The following MYO16 variants were observed in gnomAD, a reference collection of about 807,000 sequenced individuals.
MYO16 encodes unconventional myosin-XVI.
A neutral mutation model predicts 205.3 loss-of-function variants in MYO16; 94 were observed. The observed-to-expected ratio is 0.46, with a 90% CI of 0.39 to 0.54. The LOEUF is 0.54. MYO16 is among the 20% of genes least tolerant of loss of function. MYO16 has a pLI of 0.00. For missense variants in MYO16, 2,315 were observed against 2,387.5 expected (o/e 0.97, Z 0.63); for synonymous variants, 988 against 954.0 (o/e 1.04, Z -0.66).
chr13:108,986,017 C>T (rs1007545919), intron 20 of MYO16, among the ~76,000 whole-genome samples: 1 of 152,112 alleles, frequency 6.6e-6, no homozygotes. Context: ...TGGCAGAAGG[C>T]GAAGGAGGAG....
chr13:109,016,993 T>A (rs147155839), intron 22 of MYO16, among the ~76,000 whole-genome samples: 137 of 152,310 alleles, frequency 9.0e-4, no homozygotes, highest in African/African-American at 3.2e-3. Flanking sequence ...ATGTGTGAAT[T>A]TGATCCTGTC....
intron 34 of MYO16, among the ~76,000 whole-genome samples, chr13:109,199,904 G>T (rs1157971616): frequency 7.2e-5 from 11 of 152,142 alleles, no homozygotes; most frequent in Admixed American, 5.2e-4. Context: ...TGATTTTACA[G>T]CACTGACTAT....
intron 2 of MYO16, among the ~76,000 whole-genome samples, chr13:108,684,769 A>C (rs1882604893): frequency 6.6e-6 from 1 of 152,014 alleles, no homozygotes; most frequent in Non-Finnish European, 1.5e-5. Flanking sequence ...CTCCATAAAA[A>C]CCTCTGAACT....
In MYO16 at chr13:108,758,494, C is replaced by G. The variant is rs1038848419; in HGVS notation, c.508-27141C>G. On this transcript the variant is annotated intron_variant, in intron 4 of 34. Coordinates refer to ENST00000457511, the MANE Select transcript of MYO16 (RefSeq NM_001198950.3). ...TACTATTGCTTGATTTTCACACATT[C>G]TTTTCAGCTAAAGGGAAGAGAAAAG... 4.6e-4 allele frequency among the ~76,000 whole-genome samples: 70 copies of G among 152,104 alleles called. 6 individuals carry two copies. The highest frequency in any genetic ancestry group is 1.5e-5 in the Non-Finnish European group (1 of 68,016).
intron 16 of MYO16, among the ~76,000 whole-genome samples, chr13:108,911,267 C>T (rs9805610): frequency 0.36 from 54,926 of 151,878 alleles, 10,164 homozygotes; most frequent in African/African-American, 0.38. Context: ...CCATCTGAAG[C>T]CATTATATTC....
At chr13:108,496,553 C>A in the MYO16 span, among the ~76,000 whole-genome samples, 12 of 152,146 alleles carry the variant, frequency 7.9e-5, no homozygotes, top group South Asian at 2.1e-4. Context: ...ACCCGGGGGG[C>A]GTCGAGCCTC....
At chr13:108,626,837 A>ATG (rs199670779), upstream of MYO16, among the ~76,000 whole-genome samples, 165 of 147,708 alleles carry the variant, frequency 1.1e-3, 2 homozygotes, top group East Asian at 0.02. Flanking sequence ...AAAAATATAT[A>ATG]TGTGTGTGTA....
At chr13:108,790,293 A>T (rs564469051) in intron 5 of MYO16, among the ~76,000 whole-genome samples, 1 of 152,224 alleles carries the variant, frequency 6.6e-6, no homozygotes, top group Non-Finnish European at 1.5e-5. Context: ...GTTCAGATTG[A>T]CTTCGGGAGT....
the MYO16 span, among the ~76,000 whole-genome samples, chr13:108,500,419 G>A: frequency 6.6e-6 from 1 of 151,140 alleles, no homozygotes; most frequent in Non-Finnish European, 1.5e-5. Flanking sequence ...TAGTAGAGAT[G>A]GGGTTTCACT....
chr13:108,544,896 C>A, the MYO16 span, among the ~76,000 whole-genome samples: 1 of 152,134 alleles, frequency 6.6e-6, no homozygotes, highest in Non-Finnish European at 1.5e-5. Context: ...AACATAATGA[C>A]CTCCAGTTCC....
intron 3 of MYO16, among the ~76,000 whole-genome samples, chr13:108,726,464 C>A (rs1884340022): frequency 6.6e-6 from 1 of 151,188 alleles, no homozygotes; most frequent in African/African-American, 2.4e-5. Flanking sequence ...GAGGCTGAGG[C>A]AGGAGAATTA....
At chr13:108,817,721 C>T (rs948750730) in intron 7 of MYO16, among the ~76,000 whole-genome samples, 1 of 152,182 alleles carries the variant, frequency 6.6e-6, no homozygotes, top group South Asian at 2.1e-4. Flanking sequence ...CAGCACAACA[C>T]AGTTGAGGTC....
chr13:109,074,971 T>C (rs980092621), intron 27 of MYO16, among the ~76,000 whole-genome samples: 3 of 152,220 alleles, frequency 2.0e-5, no homozygotes, highest in Non-Finnish European at 4.4e-5. Flanking sequence ...GCACCATAAA[T>C]TGTTTACTCT....
intron 4 of MYO16, among the ~76,000 whole-genome samples, chr13:108,734,524 G>C (rs1297652651): frequency 2.0e-5 from 3 of 152,088 alleles, no homozygotes; most frequent in African/African-American, 4.8e-5. Context: ...GTTTTTACTA[G>C]TAGGCAACAA....
At chr13:109,054,950 C>T (rs1363100877) in intron 25 of MYO16, 96 bp from the exon 26 acceptor site, 15 of 639,638 alleles carry the variant, frequency 2.3e-5, no homozygotes, top group East Asian at 9.7e-5. Flanking sequence ...TTTCTCCCTC[C>T]CTTCCCTTCC....
intron 2 of MYO16, among the ~76,000 whole-genome samples, chr13:108,676,766 C>T (rs1882230634): frequency 6.6e-6 from 1 of 152,166 alleles, no homozygotes; most frequent in African/African-American, 2.4e-5. Flanking sequence ...CTCTGGTAGT[C>T]CCAGGGTCAG....
chr13:108,900,989 G>C (rs140723657), intron 15 of MYO16, among the ~76,000 whole-genome samples: 3 of 152,162 alleles, frequency 2.0e-5, no homozygotes, highest in African/African-American at 7.2e-5. Context: ...TGTCTTTTAC[G>C]GTTGTAGCAG....
intron 22 of MYO16, among the ~76,000 whole-genome samples, chr13:109,013,292 G>C (rs1480813482): frequency 6.6e-6 from 1 of 152,052 alleles, no homozygotes; most frequent in Admixed American, 6.5e-5. Flanking sequence ...CAAAGGACAT[G>C]AACTCATCCT....
intron 4 of MYO16, among the ~76,000 whole-genome samples, chr13:108,781,835 G>A (rs779527368): frequency 6.6e-6 from 1 of 152,128 alleles, no homozygotes; most frequent in Non-Finnish European, 1.5e-5. Context: ...GGGTTTATCA[G>A]GGATTTCCCT....
Sources: gnomAD v4.1 joint callset for allele counts (sites outside exome capture counted in the v4.1 genomes callset) on GRCh38, gnomAD v4.1.1 for gene constraint, MANE v1.5 for transcripts, NCBI Gene and HGNC (gene_info 2026-07-23, HGNC 2026-07-21) for gene names.